CPNE5: variants seen among roughly 807,000 people sequenced by gnomAD.
CPNE5 encodes the protein copine 5.
In CPNE5, 42 loss-of-function variants were observed where a neutral mutation model predicts 81.1. The ratio of observed to expected loss-of-function variants is 0.52; its 90% CI spans 0.40 to 0.67. The LOEUF is 0.67. CPNE5 is among the 30% of genes least tolerant of loss of function. The pLI is 0.00. For missense variants in CPNE5, 612 were observed against 815.5 expected (o/e 0.75, Z 3.04); for synonymous variants, 313 against 321.5 (o/e 0.97, Z 0.28).
At chr6:36,821,609 G>A (rs1232017257) in intron 3 of CPNE5, among the ~76,000 whole-genome samples, 4 of 152,148 alleles carry the variant, frequency 2.6e-5, no homozygotes, top group South Asian at 2.1e-4. Context: ...GGAAAAGGGC[G>A]TCATCCTGGG....
chr6:36,824,280 A>G (rs1474687646), intron 1 of CPNE5, among the ~76,000 whole-genome samples: 1 of 152,042 alleles, frequency 6.6e-6, no homozygotes, highest in Non-Finnish European at 1.5e-5. Context: ...TTCTTCACTC[A>G]CCCTGGAGAC....
chr6:36,825,187 A>C (rs1772395831), intron 1 of CPNE5, among the ~76,000 whole-genome samples: 1 of 151,726 alleles, frequency 6.6e-6, no homozygotes, highest in South Asian at 2.1e-4. Context: ...CAACCCTACC[A>C]CTCATGCCCC....
chr6:36,799,973 A>C lies in CPNE5; in HGVS notation c.281T>G (p.Phe94Cys). The part of the protein sequence containing the change: ...YFFEEKQNLR[F>C]DLYDVDSKSP... The stretch of plus-strand genomic sequence containing the variant: ...AGCACCATCTTCCACTTACAGATCA[A>C]AACGGAGGTTCTGCTTCTCCTCGAA... The change falls in exon 4 of 21, where the codon TTT (phenylalanine) becomes TGT (cysteine). Residue 94 changes from phenylalanine (F) to cysteine (C), a missense_variant. Transcript: ENST00000244751. 1 of 1,611,706 alleles carries C rather than the reference A, an allele frequency of 6.2e-7. No homozygotes were observed. The highest frequency in any genetic ancestry group is 1.1e-5 in the South Asian group (1 of 91,026).
At chr6:36,819,122 A>C (rs1028306330) in intron 3 of CPNE5, among the ~76,000 whole-genome samples, 4 of 152,154 alleles carry the variant, frequency 2.6e-5, no homozygotes, top group African/African-American at 9.7e-5. Context: ...GTTTTTTCTG[A>C]GACAGGGTCT....
chr6:36,743,205 G>T (rs749514363), intron 20 of CPNE5: 1 of 985,250 alleles, frequency 1.0e-6, no homozygotes, highest in Non-Finnish European at 1.2e-6. Context: ...TGCGGAGGGT[G>T]CATTCTTCCA....
chr6:36,798,354 A>G (rs547481040), intron 5 of CPNE5, 101 bp downstream of exon 5: 2 of 1,496,886 alleles, frequency 1.3e-6, no homozygotes, highest in South Asian at 2.3e-5. Context: ...GACAGGACGC[A>G]GCGTCGGACA....
intron 8 of CPNE5, among the ~76,000 whole-genome samples, chr6:36,790,619 T>A (rs1768997968): frequency 6.6e-6 from 1 of 152,362 alleles, no homozygotes; most frequent in African/African-American, 2.4e-5. Context: ...TTTTTTGAGA[T>A]GGAGTCTCGC....
In CPNE5 at chr6:36,746,771, T is replaced by C. The variant is rs1333202329; in HGVS notation, c.1019-194A>G. On this transcript the variant is annotated intron_variant, in intron 15 of 20. Coordinates refer to ENST00000244751, the MANE Select transcript of CPNE5 (RefSeq NM_020939.2). The surrounding 1 kb of genome is among the most constrained non-coding windows in gnomAD (Gnocchi z 4.5). ...CCTCCTCCGCCTCTCCTCCTCCCCA[T>C]ACCACCACCCTCTTGCTTATAGGAT... Among the ~76,000 whole-genome samples the C allele has an allele frequency of 6.6e-6, 1 of 151,972 alleles. No individual in the cohort carries two copies. Among genetic ancestry groups the C allele is most frequent in the African/African-American group, 2.4e-5 (1 of 41,350 alleles).
chr6:36,794,626 G>A lies in CPNE5; in HGVS notation c.428C>T (p.Ser143Phe), dbSNP rs142540878. The A allele has an allele frequency of 5.6e-6, 9 of 1,614,024 alleles. No individual in the cohort carries two copies. Among genetic ancestry groups the A allele is most frequent in the African/African-American group, 1.3e-5 (1 of 74,920 alleles). The change falls in exon 7 of 21, where the codon TCC becomes TTC. Residue 143 changes from serine to phenylalanine, a missense_variant. Physicochemically the swap from Ser to Phe is radical, Grantham distance 155. Coordinates refer to ENST00000244751, the MANE Select transcript of CPNE5 (RefSeq NM_020939.2). ...AGCTGGCATGGGTTTGCCCGTCCTG[G>A]AATTCAGGCTGAATGCGCCTATCCT... ...PLTIGAFSLNSRTGKPMPAVS... is the reference protein window; with the variant it reads ...PLTIGAFSLNFRTGKPMPAVS...
chr6:36,751,985 A>G (rs968043413), intron 14 of CPNE5, among the ~76,000 whole-genome samples: 1 of 151,940 alleles, frequency 6.6e-6, no homozygotes, highest in African/African-American at 2.4e-5. Context: ...GGGGCAGGTA[A>G]GAGCAGAGGA....
At chr6:36,758,929 G>A (rs1765751729) in intron 12 of CPNE5, among the ~76,000 whole-genome samples, 1 of 152,194 alleles carries the variant, frequency 6.6e-6, no homozygotes, top group Admixed American at 6.5e-5. Flanking sequence ...CAGATGGTGA[G>A]GTGCTCACGG....
intron 10 of CPNE5, among the ~76,000 whole-genome samples, chr6:36,769,376 A>G (rs961132316): frequency 2.0e-5 from 3 of 152,202 alleles, no homozygotes; most frequent in Non-Finnish European, 4.4e-5. Context: ...AGAGCCAGAT[A>G]TGTGTGAGCC....
intron 3 of CPNE5, among the ~76,000 whole-genome samples, chr6:36,801,459 C>G (rs1209658757): frequency 1.3e-5 from 2 of 152,136 alleles, no homozygotes; most frequent in East Asian, 3.8e-4. Context: ...TAGAGGAGGG[C>G]AGAATGGGCA....
intron 4 of CPNE5, 106 bp downstream of exon 4, chr6:36,799,861 C>T: frequency 1.3e-6 from 1 of 795,866 alleles, no homozygotes; most frequent in Non-Finnish European, 2.1e-6. Flanking sequence ...CAACCCTGGG[C>T]TCCCACTAAT....
chr6:36,777,425 C>T (rs1368989901), intron 9 of CPNE5, among the ~76,000 whole-genome samples: 1 of 152,090 alleles, frequency 6.6e-6, no homozygotes, highest in African/African-American at 2.4e-5. Flanking sequence ...GCAGTGCACC[C>T]CTCTCCTGCT....
Position 36,839,265 on chromosome 6 carries a change from G to A in CPNE5, c.95+18C>T. ...GTCCAGGGCCGGGGCAAGGGGACCC[G>A]GCCAGCGGGAGGCTCACCTGCAGGA... is the stretch of plus-strand genomic sequence containing the variant. On this transcript the variant is annotated intron_variant, in intron 1 of 20. Transcript: ENST00000244751. This position sits in a 1 kb window ranked among gnomAD's most constrained non-coding sequence, Gnocchi z 7.3. 1.3e-6 allele frequency: 2 copies of A among 1,514,740 alleles called. No individual in the cohort carries two copies. Among genetic ancestry groups the A allele is most frequent in the Non-Finnish European group, 1.8e-6 (2 of 1,123,082 alleles). 93.8% of individuals were successfully genotyped at this position (1,514,740 alleles called of 1,614,324 possible).
chr6:36,788,697 T>C (rs1768829825), intron 8 of CPNE5, among the ~76,000 whole-genome samples: 1 of 119,446 alleles, frequency 8.4e-6, no homozygotes, highest in South Asian at 3.4e-4. Context: ...TGAGCAGAAT[T>C]GAACCTTGGG....
intron 8 of CPNE5, among the ~76,000 whole-genome samples, chr6:36,788,329 G>C (rs1345032914): frequency 6.6e-6 from 1 of 152,110 alleles, no homozygotes; most frequent in Non-Finnish European, 1.5e-5. Context: ...TTATAGGCGT[G>C]AACCCCAACC....
intron 1 of CPNE5, chr6:36,827,531 A>G (rs1400342444): frequency 1.0e-6 from 1 of 985,314 alleles, no homozygotes; most frequent in African/African-American, 1.7e-5. Context: ...GCAGCCGTCC[A>G]AATACCACAT....
Sources: allele counts gnomAD v4.1 joint callset (sites outside exome capture counted in the v4.1 genomes callset), GRCh38; gene constraint gnomAD v4.1.1; non-coding constraint Gnocchi (gnomAD v3.1); transcripts MANE v1.5; gene names NCBI Gene and HGNC (gene_info 2026-07-23, HGNC 2026-07-21).